Variants in DCC observed in about 807,000 individuals in gnomAD.
DCC encodes DCC netrin 1 receptor, also known as netrin receptor DCC.
A neutral mutation model predicts 172.5 loss-of-function variants in DCC; 58 were observed. The ratio of observed to expected loss-of-function variants is 0.34; its 90% CI spans 0.27 to 0.42. The LOEUF (loss-of-function observed/expected upper bound fraction) is 0.42, where lower values mean the gene tolerates loss of function less well. Ranked by LOEUF, DCC falls within the 10% of genes least tolerant of loss-of-function variation. The pLI, the probability that DCC is intolerant of heterozygous loss-of-function variation, is 1.00. For synonymous variants in DCC, 709 were observed against 644.5 expected (o/e 1.10, Z -1.52); for missense variants, 1,740 against 1,791.0 (o/e 0.97, Z 0.51).
At chr18:53,403,443 G>T (rs1438070510) in intron 19 of DCC, among the ~76,000 whole-genome samples, 1 of 152,140 alleles carries the variant, frequency 6.6e-6, no homozygotes, top group East Asian at 1.9e-4. Flanking sequence ...CACAGTGACA[G>T]ATTTTATTTT....
At chr18:53,465,121 A>C (rs1413275398) in intron 24 of DCC, among the ~76,000 whole-genome samples, 1 of 152,142 alleles carries the variant, frequency 6.6e-6, no homozygotes. Context: ...TAATTTTGAA[A>C]ACTAAAGAGG....
At chr18:52,928,243 G>T (rs8097596) in intron 5 of DCC, among the ~76,000 whole-genome samples, 136,269 of 152,144 alleles carry the variant, frequency 0.9, 61,515 homozygotes, top group Middle Eastern at 0.97. Flanking sequence ...TGTGTCCTTA[G>T]GTACTTGATG....
chr18:53,457,166 T>C (rs1417962851), intron 23 of DCC, among the ~76,000 whole-genome samples: 1 of 152,152 alleles, frequency 6.6e-6, no homozygotes, highest in South Asian at 2.1e-4. Flanking sequence ...AGCAGAAAAA[T>C]GCCTGTTCAT....
chr18:53,107,431 T>A (rs2043265298), intron 7 of DCC, among the ~76,000 whole-genome samples: 1 of 150,254 alleles, frequency 6.7e-6, no homozygotes, highest in Non-Finnish European at 1.5e-5. Context: ...CAGTGAACTC[T>A]AAATTGAAAA....
At chr18:53,426,415 A>G (rs1265801910) in intron 21 of DCC, among the ~76,000 whole-genome samples, 1 of 70,138 alleles carries the variant, frequency 1.4e-5, no homozygotes, top group Non-Finnish European at 4.7e-5. Context: ...TATTTTTATG[A>G]TATATATTTA....
At chr18:53,012,365 T>G (rs899010819) in intron 5 of DCC, among the ~76,000 whole-genome samples, 4 of 152,000 alleles carry the variant, frequency 2.6e-5, no homozygotes, top group Admixed American at 2.0e-4. Flanking sequence ...CACAAATTGA[T>G]GTACACTACA....
At chr18:53,213,666 A>C (rs887815991) in intron 11 of DCC, among the ~76,000 whole-genome samples, 6 of 150,300 alleles carry the variant, frequency 4.0e-5, no homozygotes, top group African/African-American at 1.2e-4. Context: ...AAAAAAAAAA[A>C]AAAAAAAAGA....
At chr18:53,405,190 T>TAAAAA (rs367591898) in intron 19 of DCC, among the ~76,000 whole-genome samples, 2 of 139,116 alleles carry the variant, frequency 1.4e-5, no homozygotes, top group African/African-American at 2.7e-5. Flanking sequence ...TAATAAAAAG[T>TAAAAA]AAAAAAAAAA....
chr18:53,064,763 C>G (rs1436197712), intron 6 of DCC, among the ~76,000 whole-genome samples: 1 of 152,012 alleles, frequency 6.6e-6, no homozygotes, highest in Non-Finnish European at 1.5e-5. Flanking sequence ...CACAGTGATC[C>G]ATTATTTCCT....
intron 7 of DCC, among the ~76,000 whole-genome samples, chr18:53,130,009 G>A (rs2043627085): frequency 6.6e-6 from 1 of 152,044 alleles, no homozygotes; most frequent in Non-Finnish European, 1.5e-5. Context: ...TCAATATTTA[G>A]TGTTGGATTT....
intron 5 of DCC, among the ~76,000 whole-genome samples, chr18:52,985,665 T>C (rs1249236003): frequency 1.3e-5 from 2 of 152,122 alleles, no homozygotes; most frequent in East Asian, 1.9e-4. Context: ...TTATTTACTA[T>C]GTCTTTTTTT....
chr18:53,432,629 A>G (rs1911689426), intron 21 of DCC, among the ~76,000 whole-genome samples: 1 of 152,158 alleles, frequency 6.6e-6, no homozygotes, highest in African/African-American at 2.4e-5. Context: ...ATGCTGTGAT[A>G]TGCCAAGAAG....
At chr18:52,516,901 C>T (rs926923191) in intron 1 of DCC, among the ~76,000 whole-genome samples, 12 of 152,090 alleles carry the variant, frequency 7.9e-5, no homozygotes, top group Non-Finnish European at 1.6e-4. Context: ...AATTATTTTC[C>T]ACCTGCCATT....
At chr18:53,490,957 T>TATTC (rs542141502) in intron 26 of DCC, among the ~76,000 whole-genome samples, 219 of 152,332 alleles carry the variant, frequency 1.4e-3, no homozygotes, top group African/African-American at 5.0e-3. Flanking sequence ...ATTGGTGATA[T>TATTC]ATTCCGTCTT....
chr18:52,449,282 CAT>C (rs1253267468), intron 1 of DCC, among the ~76,000 whole-genome samples: 1 of 152,186 alleles, frequency 6.6e-6, no homozygotes, highest in Non-Finnish European at 1.5e-5. Flanking sequence ...TGGGTGGAGA[CAT>C]AGAGACAAAC....
intron 2 of DCC, among the ~76,000 whole-genome samples, chr18:52,812,579 A>T (rs1398897038): frequency 6.6e-6 from 1 of 152,230 alleles, no homozygotes; most frequent in East Asian, 1.9e-4. Flanking sequence ...AATCTTAAAA[A>T]ACATATGATT....
intron 5 of DCC, among the ~76,000 whole-genome samples, chr18:52,994,037 G>T (rs2041439310): frequency 6.6e-6 from 1 of 152,004 alleles, no homozygotes; most frequent in African/African-American, 2.4e-5. Context: ...ATCCAGCTCA[G>T]TTATGTTAAC....
At chr18:52,930,048 G>T (rs2040283377) in intron 5 of DCC, among the ~76,000 whole-genome samples, 1 of 152,018 alleles carries the variant, frequency 6.6e-6, no homozygotes, top group South Asian at 2.1e-4. Context: ...CGTGGTGTCA[G>T]ATGATCCTCC....
chr18:52,441,619 A>T (rs963188081), intron 1 of DCC, among the ~76,000 whole-genome samples: 3 of 152,126 alleles, frequency 2.0e-5, no homozygotes, highest in African/African-American at 7.2e-5. Context: ...TCAGCCTGAC[A>T]GAGTCATTTT....
Sources: gnomAD v4.1 joint callset for allele counts (sites outside exome capture counted in the v4.1 genomes callset) on GRCh38, gnomAD v4.1.1 for gene constraint, MANE v1.5 for transcripts, NCBI Gene and HGNC (gene_info 2026-07-23, HGNC 2026-07-21) for gene names.